Variants in OTOA observed in about 807,000 individuals in gnomAD.
OTOA encodes the protein cancer/testis antigen 108.
OTOA carries 70 observed loss-of-function variants against 110.8 expected under a neutral mutation model. That is an observed-to-expected ratio of 0.63 (90% confidence interval 0.52 to 0.77). The LOEUF (loss-of-function observed/expected upper bound fraction) is 0.77. Among genes scored for constraint, OTOA ranks in the 30% least tolerant of loss-of-function variants. OTOA has a pLI of 0.00. For missense variants in OTOA, 917 were observed against 1,075.8 expected (o/e 0.85, Z 2.06); for synonymous variants, 373 against 431.5 (o/e 0.86, Z 1.68).
chr16:21,758,873 G>T (rs2141770197), intron 28 of OTOA, among the ~76,000 whole-genome samples: 1 of 151,678 alleles, frequency 6.6e-6, no homozygotes, highest in African/African-American at 2.4e-5. Context: ...GTGGTGGGGG[G>T]CACCTGTAAT....
intron 11 of OTOA, among the ~76,000 whole-genome samples, chr16:21,701,382 A>G (rs1313252320): frequency 3.3e-5 from 5 of 152,190 alleles, no homozygotes; most frequent in African/African-American, 9.7e-5. Flanking sequence ...AGTTGAGTCA[A>G]GTGTTGGAAA....
intron 1 of OTOA, among the ~76,000 whole-genome samples, chr16:21,670,928 G>T (rs1278567345): frequency 6.6e-6 from 1 of 152,090 alleles, no homozygotes; most frequent in Non-Finnish European, 1.5e-5. Context: ...CTTAATCTGG[G>T]GAGGATAGCA....
chr16:21,712,085 T>G (rs1898375107), intron 13 of OTOA, among the ~76,000 whole-genome samples: 1 of 151,988 alleles, frequency 6.6e-6, no homozygotes, highest in East Asian at 1.9e-4. Context: ...CCCAGCACTT[T>G]GGGAGGCCAA....
intron 9 of OTOA, among the ~76,000 whole-genome samples, chr16:21,695,614 A>G (rs192897124): frequency 6.6e-6 from 1 of 151,902 alleles, no homozygotes; most frequent in East Asian, 1.9e-4. Context: ...GAGGCACTCC[A>G]TATTTTCTTG....
chr16:21,734,694 G>A lies in OTOA; in HGVS notation c.2302-1567G>A, dbSNP rs1221609889. Among the ~76,000 whole-genome samples, 10 of 152,050 alleles carry A rather than the reference G, an allele frequency of 6.6e-5. No individual in the cohort carries two copies. The East Asian group carries it at 1.2e-3, about 18-fold the overall frequency. ...TACTAAAAAATACAAAAAATTAGCC[G>A]GGCGTGGTGGTGGGCACATGTAGTC... On this transcript the variant is annotated intron_variant, in intron 21 of 28. Coordinates refer to ENST00000646100, the MANE Select transcript of OTOA (RefSeq NM_144672.4).
rs186905890 is a variant in OTOA, at chr16:21,691,062, G to A, written c.636-522G>A. Among the ~76,000 whole-genome samples, 1,159 of 149,400 alleles carry A rather than the reference G, an allele frequency of 7.8e-3. 29 individuals carry two copies. Among genetic ancestry groups the A allele is most frequent in the East Asian group, 0.057 (288 of 5,052 alleles). On this transcript the variant is annotated intron_variant, in intron 8 of 28. Coordinates refer to ENST00000646100, the MANE Select transcript of OTOA (RefSeq NM_144672.4). ...TTCCCACCTATGAGTGAGAACATGC[G>A]GTGTTTGGTTTTCTGTCCTTGTGAT...
intron 11 of OTOA, 28 bp from the exon 12 acceptor site, chr16:21,705,141 C>T (rs1423810972): frequency 1.9e-6 from 3 of 1,614,166 alleles, no homozygotes; most frequent in South Asian, 2.2e-5. Flanking sequence ...GTTACACCTC[C>T]ACCACCATCC....
chr16:21,715,281 G>T (rs1226593270), intron 14 of OTOA, 129 bp downstream of exon 14: 7 of 1,268,590 alleles, frequency 5.5e-6, no homozygotes, highest in Non-Finnish European at 6.9e-6. Context: ...GTCTGGGGTG[G>T]CTCTGCCTTC....
chr16:21,710,090 T>C lies in OTOA; in HGVS notation c.1307T>C (p.Leu436Ser). 2.5e-6 allele frequency: 4 copies of C among 1,613,136 alleles called. No homozygotes were observed. The highest frequency in any genetic ancestry group is 3.4e-6 in the Non-Finnish European group (4 of 1,179,598). Residue 436 changes from leucine to serine, a missense_variant, in exon 13 of 29, where the codon TTG (leucine) becomes TCG (serine). Transcript: ENST00000646100. ...GTCATCATCTTGTCTGCCAAATACT[T>C]GGCCCATGAGAAGGTCAGCTGGAGT... ...SQVIILSAKY[L>S]AHEKVLSFYN...
chr16:21,733,951 C>T (rs918961783), intron 21 of OTOA, among the ~76,000 whole-genome samples: 4 of 152,122 alleles, frequency 2.6e-5, no homozygotes, highest in Non-Finnish European at 4.4e-5. Flanking sequence ...AGGCATACAC[C>T]ACCATGCCGA....
At chr16:21,749,571 G>A (rs1171957617) in intron 24 of OTOA, among the ~76,000 whole-genome samples, 1 of 147,872 alleles carries the variant, frequency 6.8e-6, no homozygotes. Flanking sequence ...TGGGAAGATT[G>A]ACTATAGCCT....
At chr16:21,716,822 A>G (rs774364068) in intron 14 of OTOA, 85 bp from the exon 15 acceptor site, 4 of 1,533,754 alleles carry the variant, frequency 2.6e-6, no homozygotes, top group Non-Finnish European at 2.7e-6. Context: ...GATGGATTTT[A>G]TTGCCTGTGA....
intron 6 of OTOA, among the ~76,000 whole-genome samples, chr16:21,684,755 T>C (rs1567366186): frequency 5.2e-5 from 4 of 76,958 alleles, no homozygotes; most frequent in Non-Finnish European, 1.3e-4. Flanking sequence ...TTATTATTAT[T>C]ATTATTATTA....
intron 13 of OTOA, among the ~76,000 whole-genome samples, chr16:21,711,909 A>G (rs184251969): frequency 1.3e-5 from 2 of 152,332 alleles, no homozygotes; most frequent in Non-Finnish European, 2.9e-5. Flanking sequence ...ATTAATTTTA[A>G]TTACTTTGAA....
chr16:21,676,524 A>C (rs1966858033), intron 1 of OTOA, among the ~76,000 whole-genome samples: 1 of 152,128 alleles, frequency 6.6e-6, no homozygotes, highest in African/African-American at 2.4e-5. Flanking sequence ...ATGTGTTTGG[A>C]GGTTTTTCCA....
chr16:21,704,519 A>G (rs1898115019), intron 11 of OTOA, among the ~76,000 whole-genome samples: 1 of 152,142 alleles, frequency 6.6e-6, no homozygotes, highest in Non-Finnish European at 1.5e-5. Flanking sequence ...GGGTTGCTGT[A>G]ATGAGATAAT....
chr16:21,719,590 T>G, intron 17 of OTOA, 86 bp downstream of exon 17: 1 of 1,244,376 alleles, frequency 8.0e-7, no homozygotes, highest in Non-Finnish European at 1.2e-6. Context: ...CTAAAGATCT[T>G]TATGCCAGAA....
In OTOA at chr16:21,700,922, A is replaced by G. The variant is rs368330662; in HGVS notation, c.875A>G (p.Lys292Arg). 13 of 1,613,902 alleles carry G rather than the reference A, an allele frequency of 8.1e-6. No individual in the cohort carries two copies. The highest frequency in any genetic ancestry group is 1.1e-5 in the South Asian group (1 of 91,076). The change falls in exon 11 of 29, where the codon AAG (lysine) becomes AGG (arginine). Residue 292 changes from lysine (K) to arginine (R), a missense_variant. By Grantham distance (26) the Lys-to-Arg change is conservative. This residue lies in a region of OTOA where 840 missense variants were observed against 910.2 expected (regional missense o/e 0.92). Coordinates refer to ENST00000646100, the MANE Select transcript of OTOA (RefSeq NM_144672.4). ...GLFISYDNAT[K>R]QLDMVYDITP... is the part of the protein sequence containing the mutation. ...TTTATCAGCTATGACAACGCCACCA[A>G]GCAGCTGGACATGGTCTATGACATC... is the stretch of plus-strand genomic sequence containing the variant.
In OTOA at chr16:21,714,166, A is replaced by C. The variant is rs367556525; in HGVS notation, c.1321-819A>C. 1.2e-4 allele frequency among the ~76,000 whole-genome samples: 19 copies of C among 152,190 alleles called. 1 individual carries two copies. The highest frequency in any genetic ancestry group is 2.6e-4 in the Admixed American group (4 of 15,274). On this transcript the variant is annotated intron_variant, in intron 13 of 28. Coordinates refer to ENST00000646100, the MANE Select transcript of OTOA (RefSeq NM_144672.4). ...AAACTATCTAGCATCTTCACTCTAA[A>C]GGAAGGAAAAAAAACCCAAGTATAA...
Sources: allele counts gnomAD v4.1 joint callset (sites outside exome capture counted in the v4.1 genomes callset), GRCh38; gene constraint gnomAD v4.1.1; regional missense constraint gnomAD v4.1.1; transcripts MANE v1.5; gene names NCBI Gene and HGNC (gene_info 2026-07-23, HGNC 2026-07-21).